The following CFDP1 variants were observed in gnomAD, a reference collection of about 807,000 sequenced individuals.
CFDP1 encodes chromatin remodeling protein CFDP1.
A neutral mutation model predicts 40.1 loss-of-function variants in CFDP1; 31 were observed. That is an observed-to-expected ratio of 0.77 (90% CI 0.58 to 1.04). The LOEUF is 1.04. CFDP1 is among the 50% of genes least tolerant of loss of function. The probability of loss-of-function intolerance (pLI) is 0.00; values close to 1 mark genes in which losing one functional copy is unlikely to be tolerated. For synonymous variants in CFDP1, 167 were observed against 120.0 expected, an observed-to-expected ratio of 1.39 and a Z score of -2.56; for missense variants, 423 against 343.4, an observed-to-expected ratio of 1.23 and a Z score of -1.83.
chr16:75,350,025 A>T (rs1272416093), intron 5 of CFDP1, among the ~76,000 whole-genome samples: 1 of 151,884 alleles, frequency 6.6e-6, no homozygotes, highest in Admixed American at 6.6e-5. Context: ...TTTTTCATGG[A>T]TGTCCTTTAT....
At chr16:75,388,359 A>T (rs999338159) in intron 5 of CFDP1, among the ~76,000 whole-genome samples, 2 of 152,246 alleles carry the variant, frequency 1.3e-5, no homozygotes, top group African/African-American at 4.8e-5. Context: ...CTGAGAAGAT[A>T]GTATGTTTGG....
chr16:75,392,182 G>T (rs2078957925), intron 5 of CFDP1, among the ~76,000 whole-genome samples: 1 of 151,962 alleles, frequency 6.6e-6, no homozygotes, highest in South Asian at 2.1e-4. Context: ...GAAGGGGGTG[G>T]ATCACGAAGT....
At chr16:75,306,901 A>G (rs1022850610) in intron 5 of CFDP1, among the ~76,000 whole-genome samples, 50 of 146,212 alleles carry the variant, frequency 3.4e-4, no homozygotes, top group Middle Eastern at 3.5e-3. Context: ...ACACACACAC[A>G]CGCACACACA....
intron 4 of CFDP1, among the ~76,000 whole-genome samples, chr16:75,395,910 T>C (rs1391458788): frequency 1.4e-5 from 2 of 147,758 alleles, no homozygotes; most frequent in African/African-American, 4.9e-5. Context: ...TTATGGTACC[T>C]GAGAATTCAG....
intron 3 of CFDP1, 65 bp from the exon 4 acceptor site, chr16:75,412,017 T>C: frequency 3.3e-6 from 5 of 1,492,808 alleles, no homozygotes; most frequent in Admixed American, 2.4e-5. Context: ...ACAGATACTT[T>C]TTATTTTTTT....
At chr16:75,386,925 T>G (rs1379128154) in intron 5 of CFDP1, among the ~76,000 whole-genome samples, 1 of 152,250 alleles carries the variant, frequency 6.6e-6, no homozygotes, top group Non-Finnish European at 1.5e-5. Flanking sequence ...TGAAATTGCC[T>G]TTAATAGATT....
chr16:75,420,360 T>C (rs1336504510), intron 1 of CFDP1, among the ~76,000 whole-genome samples: 1 of 152,156 alleles, frequency 6.6e-6, no homozygotes, highest in Non-Finnish European at 1.5e-5. Context: ...AAGTATTTCA[T>C]TGGAACCCAT....
chr16:75,347,523 C>G (rs144931495), intron 5 of CFDP1, among the ~76,000 whole-genome samples: 8,426 of 151,508 alleles, frequency 0.056, 283 homozygotes, highest in Middle Eastern at 0.12. Flanking sequence ...ACTAAAAATA[C>G]AAAAAATTAG....
At chr16:75,382,188 A>G (rs1201765780) in intron 5 of CFDP1, among the ~76,000 whole-genome samples, 1 of 151,968 alleles carries the variant, frequency 6.6e-6, no homozygotes, top group African/African-American at 2.4e-5. Flanking sequence ...GAGATAGAGT[A>G]CCATAATTAG....
chr16:75,379,742 G>T (rs2078837760), intron 5 of CFDP1: 2 of 152,136 alleles, frequency 1.3e-5, no homozygotes, highest in South Asian at 4.1e-4. Context: ...ACCATAGGGG[G>T]AAACTGGGTC....
At chr16:75,382,441 C>A (rs1339932374) in intron 5 of CFDP1, among the ~76,000 whole-genome samples, 1 of 152,194 alleles carries the variant, frequency 6.6e-6, no homozygotes, top group African/African-American at 2.4e-5. Context: ...AGCTGAAATT[C>A]TGCCTGGCTT....
At chr16:75,353,229 A>G (rs1190735971) in intron 5 of CFDP1, among the ~76,000 whole-genome samples, 2 of 152,234 alleles carry the variant, frequency 1.3e-5, no homozygotes, top group Non-Finnish European at 2.9e-5. Context: ...AACTTATTAG[A>G]CCAATTAGAT....
chr16:75,341,746 T>C (rs1409111106), intron 5 of CFDP1, among the ~76,000 whole-genome samples: 3 of 152,156 alleles, frequency 2.0e-5, no homozygotes, highest in Admixed American at 6.5e-5. Flanking sequence ...CAAGCTGTCC[T>C]GTTCTCTTTC....
At chr16:75,325,774 A>G (rs1469239195) in intron 5 of CFDP1, among the ~76,000 whole-genome samples, 1 of 152,224 alleles carries the variant, frequency 6.6e-6, no homozygotes, top group Non-Finnish European at 1.5e-5. Flanking sequence ...GATACTGATT[A>G]AAGTAACAAC....
intron 4 of CFDP1, among the ~76,000 whole-genome samples, chr16:75,397,200 C>A (rs2079002280): frequency 6.6e-6 from 1 of 151,520 alleles, no homozygotes; most frequent in Admixed American, 6.6e-5. Context: ...AGGCGTGAGC[C>A]ACTGCGCCCA....
At chr16:75,394,276 G>GT (rs2078978023) in intron 5 of CFDP1, among the ~76,000 whole-genome samples, 1 of 152,124 alleles carries the variant, frequency 6.6e-6, no homozygotes, top group African/African-American at 2.4e-5. Context: ...CTGATTTACT[G>GT]TAATACTTTA....
At position 75,305,193 on chromosome 16, in the gene CFDP1, A is replaced by G; in HGVS notation, c.651-11T>C. ...CTTGATCTTTTTAACCTAAGGAAAG[A>G]AAATATGAAAGATGTAGCAGGTAAA... On this transcript the variant is annotated splice_polypyrimidine_tract_variant and intron_variant, in intron 5 of 6. Transcript: ENST00000283882. 6.2e-7 allele frequency: 1 copy of G among 1,612,194 alleles called. No individual in the cohort carries two copies. Among genetic ancestry groups the G allele is most frequent in the Non-Finnish European group, 8.5e-7 (1 of 1,179,344 alleles).
chr16:75,349,696 T>TATATATATATATATATATATAC (rs1209804675), intron 5 of CFDP1, among the ~76,000 whole-genome samples: 3 of 47,952 alleles, frequency 6.3e-5, no homozygotes, highest in Admixed American at 2.6e-4. Flanking sequence ...AAAAAATATA[T>TATATATATATATATATATATAC]ATACATACAT....
At chr16:75,350,205 T>C (rs1015307121) in intron 5 of CFDP1, among the ~76,000 whole-genome samples, 5 of 152,206 alleles carry the variant, frequency 3.3e-5, no homozygotes, top group African/African-American at 4.8e-5. Flanking sequence ...TATGAACATA[T>C]GTGTGCAAGT....
Sources: gnomAD v4.1 joint callset for allele counts (sites outside exome capture counted in the v4.1 genomes callset) on GRCh38, gnomAD v4.1.1 for gene constraint, MANE v1.5 for transcripts, NCBI Gene and HGNC (gene_info 2026-07-23, HGNC 2026-07-21) for gene names.